The following CTNNA2 variants were observed in gnomAD, a reference collection of about 807,000 sequenced individuals.
CTNNA2 encodes the protein catenin alpha-2.
A neutral mutation model predicts 101.0 loss-of-function variants in CTNNA2; 42 were observed. The ratio of observed to expected loss-of-function variants is 0.42; its 90% CI spans 0.32 to 0.54. The LOEUF (loss-of-function observed/expected upper bound fraction) is 0.54. CTNNA2 is among the 20% of genes least tolerant of loss of function. CTNNA2 has a pLI of 0.14. For synonymous variants in CTNNA2, 450 were observed against 456.4 expected (o/e 0.99, Z 0.18); for missense variants, 871 against 1,223.1 (o/e 0.71, Z 4.29).
intron 2 of CTNNA2, among the ~76,000 whole-genome samples, chr2:79,211,852 G>A (rs1425319438): frequency 6.6e-6 from 1 of 152,142 alleles, no homozygotes; most frequent in Non-Finnish European, 1.5e-5. Context: ...GAGAGATAGT[G>A]GGCGATGTTT....
chr2:79,481,872 T>C (rs1394495238), intron 4 of CTNNA2, among the ~76,000 whole-genome samples: 1 of 152,158 alleles, frequency 6.6e-6, no homozygotes, highest in East Asian at 1.9e-4. Flanking sequence ...CTGCTTGGTT[T>C]GATAGAACCA....
chr2:79,925,047 G>A (rs192202232), intron 7 of CTNNA2, among the ~76,000 whole-genome samples: 49 of 152,132 alleles, frequency 3.2e-4, no homozygotes, highest in African/African-American at 1.1e-3. Flanking sequence ...CAGTGTTAAA[G>A]GATAATCGAG....
intron 12 of CTNNA2, among the ~76,000 whole-genome samples, chr2:80,565,556 C>T (rs1693983627): frequency 6.6e-6 from 1 of 150,734 alleles, no homozygotes; most frequent in Admixed American, 6.6e-5. Context: ...TGTGGTTGTA[C>T]CTCCAAGTTC....
At chr2:79,255,045 TG>T (rs1228996238) in intron 2 of CTNNA2, among the ~76,000 whole-genome samples, 3 of 152,168 alleles carry the variant, frequency 2.0e-5, no homozygotes, top group Admixed American at 2.0e-4. Flanking sequence ...TATTGGAAAA[TG>T]CATTAGAAAT....
chr2:80,162,361 G>T, intron 7 of CTNNA2: 2 of 1,251,994 alleles, frequency 1.6e-6, no homozygotes, highest in Non-Finnish European at 1.1e-6. Flanking sequence ...AAGCTGCTCT[G>T]TACAGTTTTT....
chr2:79,794,491 T>C (rs563007912), intron 3 of CTNNA2, among the ~76,000 whole-genome samples: 1 of 152,312 alleles, frequency 6.6e-6, no homozygotes, highest in South Asian at 2.1e-4. Context: ...GAGAAACTAT[T>C]ACCACCATGA....
In CTNNA2 at chr2:80,303,689, C is replaced by G. The variant is rs758083765; in HGVS notation, c.1057-89522C>G. 3.1e-6 allele frequency: 5 copies of G among 1,610,466 alleles called. No homozygotes were observed. The highest frequency in any genetic ancestry group is 4.5e-5 in the East Asian group (2 of 44,758). Reference sequence around the variant, plus strand: ...GCAGTACAGCAGCCGCCCCTCGCACCGGCACAGCTGCGGGCACCCGCTGGG... The same window carrying G: ...GCAGTACAGCAGCCGCCCCTCGCACGGGCACAGCTGCGGGCACCCGCTGGG... On this transcript the variant is annotated intron_variant, in intron 7 of 18. Coordinates refer to ENST00000402739, the MANE Select transcript of CTNNA2 (RefSeq NM_001282597.3). This position sits in a 1 kb window ranked among gnomAD's most constrained non-coding sequence, Gnocchi z 7.7.
At chr2:80,114,022 C>A (rs1291580125) in intron 7 of CTNNA2, among the ~76,000 whole-genome samples, 1 of 152,192 alleles carries the variant, frequency 6.6e-6, no homozygotes, top group Non-Finnish European at 1.5e-5. Flanking sequence ...TTATTATCTG[C>A]ATCATGAGGT....
At chr2:80,534,621 G>T (rs1690833443) in intron 9 of CTNNA2, among the ~76,000 whole-genome samples, 1 of 152,166 alleles carries the variant, frequency 6.6e-6, no homozygotes, top group Non-Finnish European at 1.5e-5. Flanking sequence ...ATCCTGATTT[G>T]CACTTGTGGT....
At chr2:79,608,236 GCTCT>G (rs969226168) in intron 1 of CTNNA2, among the ~76,000 whole-genome samples, 2 of 151,952 alleles carry the variant, frequency 1.3e-5, no homozygotes, top group Non-Finnish European at 2.9e-5. Flanking sequence ...TAACTGAATA[GCTCT>G]CTATCTCTTA....
chr2:79,198,899 C>T (rs1673996906), intron 2 of CTNNA2, among the ~76,000 whole-genome samples: 1 of 152,054 alleles, frequency 6.6e-6, no homozygotes, highest in African/African-American at 2.4e-5. Flanking sequence ...TTAACTTATT[C>T]ATGAGGAAAC....
intron 1 of CTNNA2, among the ~76,000 whole-genome samples, chr2:79,642,065 G>C (rs1368463862): frequency 6.6e-6 from 1 of 151,992 alleles, no homozygotes; most frequent in Non-Finnish European, 1.5e-5. Flanking sequence ...TTGTTTATTT[G>C]GGTAGAAGAA....
chr2:79,882,635 T>A (rs1158014603), intron 6 of CTNNA2, among the ~76,000 whole-genome samples: 2 of 152,200 alleles, frequency 1.3e-5, no homozygotes, highest in Non-Finnish European at 2.9e-5. Context: ...AAGCTTAGTG[T>A]GTTAGGCAGT....
At chr2:79,864,376 A>T (rs894575820) in intron 4 of CTNNA2, among the ~76,000 whole-genome samples, 6 of 152,146 alleles carry the variant, frequency 3.9e-5, no homozygotes, top group Non-Finnish European at 8.8e-5. Flanking sequence ...CAAGGTGGGG[A>T]GAGGCAATAA....
intron 7 of CTNNA2, among the ~76,000 whole-genome samples, chr2:80,113,040 T>G (rs1701315230): frequency 6.6e-6 from 1 of 152,162 alleles, no homozygotes; most frequent in Admixed American, 6.5e-5. Context: ...GTGGCTGTCA[T>G]GCCCCAGTGC....
intron 9 of CTNNA2, among the ~76,000 whole-genome samples, chr2:80,462,951 A>G (rs1572951204): frequency 2.0e-5 from 3 of 152,104 alleles, no homozygotes; most frequent in Admixed American, 6.6e-5. Flanking sequence ...CTCTGAAATC[A>G]TTAGTCTATT....
chr2:79,791,699 G>C (rs4852524), intron 3 of CTNNA2, among the ~76,000 whole-genome samples: 6,225 of 152,264 alleles, frequency 0.041, 310 homozygotes, highest in East Asian at 0.16. Flanking sequence ...CTGGGAAGTA[G>C]ATGGAGGACT....
intron 9 of CTNNA2, among the ~76,000 whole-genome samples, chr2:80,437,191 G>A (rs1199564452): frequency 6.6e-6 from 1 of 152,086 alleles, no homozygotes; most frequent in African/African-American, 2.4e-5. Context: ...ATAAATTTCT[G>A]TCGTTGATAA....
chr2:79,645,170 G>C (rs10195680), intron 1 of CTNNA2, among the ~76,000 whole-genome samples: 46,248 of 151,808 alleles, frequency 0.3, 8,424 homozygotes, highest in Admixed American at 0.42. Flanking sequence ...TTTTGTTGTA[G>C]AGATGGGGTT....
Sources: gnomAD v4.1 joint callset for allele counts (sites outside exome capture counted in the v4.1 genomes callset) on GRCh38, gnomAD v4.1.1 for gene constraint, Gnocchi (gnomAD v3.1) non-coding constraint, MANE v1.5 for transcripts, NCBI Gene and HGNC (gene_info 2026-07-23, HGNC 2026-07-21) for gene names.